The following PLEKHA5 variants were observed in gnomAD, a reference collection of about 807,000 sequenced individuals.
PLEKHA5 encodes pleckstrin homology domain containing A5, also known as pleckstrin homology domain-containing family A member 5.
Under a neutral mutation model 181.9 loss-of-function variants are expected in PLEKHA5, and 55 were observed. That is an observed-to-expected ratio of 0.30 (90% CI 0.24 to 0.38). The LOEUF (loss-of-function observed/expected upper bound fraction) is 0.38. Among genes scored for constraint, PLEKHA5 ranks in the 10% least tolerant of loss-of-function variants. The pLI, the probability that PLEKHA5 is intolerant of heterozygous loss-of-function variation, is 1.00. For synonymous variants in PLEKHA5, 535 were observed against 529.4 expected (o/e 1.01, Z -0.15); for missense variants, 1,432 against 1,549.5 (o/e 0.92, Z 1.27).
rs760633131 is a variant in PLEKHA5, at chr12:19,336,483, C to T, written c.2449-32C>T. 2.9e-5 allele frequency: 32 copies of T among 1,101,898 alleles called. No homozygotes were observed. In the African/African-American group the frequency reaches 4.2e-4, roughly 14 times the overall value. 68.3% of individuals were successfully genotyped at this position (1,101,898 alleles called of 1,614,324 possible). ...ATAACACCATAAAAGCACATTTTCC[C>T]CATTAAAGTAATTAACACTTTTTGG... On this transcript the variant is annotated intron_variant, in intron 20 of 31. Transcript: ENST00000429027.
chr12:19,314,937 A>G (rs756876963), intron 16 of PLEKHA5, 43 bp downstream of exon 16: 8 of 969,056 alleles, frequency 8.3e-6, no homozygotes, highest in Middle Eastern at 2.1e-4. Context: ...ATCATCTGCA[A>G]AATCCCTCAG....
chr12:19,296,598 C>T (rs943811044), intron 15 of PLEKHA5, among the ~76,000 whole-genome samples: 1 of 151,766 alleles, frequency 6.6e-6, no homozygotes, highest in South Asian at 2.1e-4. Context: ...CTTAGGAACA[C>T]GTATGCCTTC....
chr12:19,157,660 G>A (rs542752662), intron 3 of PLEKHA5, among the ~76,000 whole-genome samples: 31 of 152,072 alleles, frequency 2.0e-4, no homozygotes, highest in African/African-American at 5.8e-4. Flanking sequence ...CAATCTACCC[G>A]TCAGTTATTG....
chr12:19,137,557 A>G (rs540635364), intron 3 of PLEKHA5, among the ~76,000 whole-genome samples: 2 of 152,322 alleles, frequency 1.3e-5, no homozygotes, highest in Non-Finnish European at 2.9e-5. Flanking sequence ...TAGTGTAGAG[A>G]TAAATATGCA....
chr12:19,216,964 T>C (rs1289351130), intron 3 of PLEKHA5, among the ~76,000 whole-genome samples: 1 of 152,198 alleles, frequency 6.6e-6, no homozygotes, highest in Non-Finnish European at 1.5e-5. Flanking sequence ...AATACTGTAA[T>C]TACTGATGTA....
chr12:19,287,172 T>C (rs2077400716), intron 12 of PLEKHA5, among the ~76,000 whole-genome samples: 1 of 151,952 alleles, frequency 6.6e-6, no homozygotes, highest in Non-Finnish European at 1.5e-5. Context: ...TAATTTTTTA[T>C]ACTTTTAGTA....
chr12:19,342,486 A>G (rs1309998123), intron 21 of PLEKHA5, among the ~76,000 whole-genome samples: 2 of 152,042 alleles, frequency 1.3e-5, no homozygotes, highest in South Asian at 4.2e-4. Context: ...GTGAAACCCC[A>G]TCTCTACTAA....
intron 11 of PLEKHA5, among the ~76,000 whole-genome samples, chr12:19,279,538 C>T (rs2152769201): frequency 6.6e-6 from 1 of 152,034 alleles, no homozygotes; most frequent in Admixed American, 6.6e-5. Flanking sequence ...CAGCAGGCAC[C>T]TGTAATCACA....
At chr12:19,254,658 T>TAA (rs35159886) in intron 4 of PLEKHA5, among the ~76,000 whole-genome samples, 7 of 151,470 alleles carry the variant, frequency 4.6e-5, no homozygotes, top group South Asian at 2.1e-4. Flanking sequence ...CTGACTGTAC[T>TAA]AAAAAAATAG....
At chr12:19,227,996 A>C (rs1473755335) in intron 3 of PLEKHA5, among the ~76,000 whole-genome samples, 1 of 152,188 alleles carries the variant, frequency 6.6e-6, no homozygotes, top group African/African-American at 2.4e-5. Context: ...ACCTCTGGAC[A>C]ATGGGAGCCC....
At chr12:19,211,938 T>A (rs1307233214) in intron 3 of PLEKHA5, among the ~76,000 whole-genome samples, 1 of 152,184 alleles carries the variant, frequency 6.6e-6, no homozygotes, top group Non-Finnish European at 1.5e-5. Flanking sequence ...TCCATTCCTC[T>A]CCCGATTTCT....
intron 3 of PLEKHA5, among the ~76,000 whole-genome samples, chr12:19,209,511 T>G (rs2056464647): frequency 6.6e-6 from 1 of 152,236 alleles, no homozygotes. Context: ...GAGCAAACTT[T>G]CCACTCAGTG....
intron 3 of PLEKHA5, among the ~76,000 whole-genome samples, chr12:19,215,599 A>G (rs1038535478): frequency 6.2e-4 from 94 of 152,288 alleles, no homozygotes; most frequent in Non-Finnish European, 1.9e-4. Context: ...TTCTGAGAAC[A>G]TTTCATAAAA....
At chr12:19,302,905 A>ATTTTTTTTTTTGTTTTTTTTTTTTTT (rs2081959494) in intron 15 of PLEKHA5, among the ~76,000 whole-genome samples, 1 of 106,606 alleles carries the variant, frequency 9.4e-6, no homozygotes, top group African/African-American at 3.8e-5. Context: ...TTCTGTATGA[A>ATTTTTTTTTTTGTTTTTTTTTTTTTT]ATTTTTTTTT....
chr12:19,244,688 T>C (rs1314431516), intron 3 of PLEKHA5, among the ~76,000 whole-genome samples: 1 of 152,238 alleles, frequency 6.6e-6, no homozygotes, highest in Non-Finnish European at 1.5e-5. Context: ...GTGAGTTTAG[T>C]AAGAAACAAC....
chr12:19,166,159 T>C (rs1188408713), intron 3 of PLEKHA5, among the ~76,000 whole-genome samples: 1 of 152,086 alleles, frequency 6.6e-6, no homozygotes. Flanking sequence ...TTCAATAAAC[T>C]GTGTGTGGGC....
chr12:19,318,804 C>T (rs1455001599), intron 16 of PLEKHA5, among the ~76,000 whole-genome samples: 1 of 152,042 alleles, frequency 6.6e-6, no homozygotes, highest in Non-Finnish European at 1.5e-5. Flanking sequence ...ACGTATAATC[C>T]CAGCTACTCT....
At chr12:19,333,465 A>G (rs1484969162) in intron 20 of PLEKHA5, among the ~76,000 whole-genome samples, 1 of 149,996 alleles carries the variant, frequency 6.7e-6, no homozygotes, top group Non-Finnish European at 1.5e-5. Context: ...CTGTAGTCCC[A>G]AGTATCCCAG....
chr12:19,237,820 T>A (rs1051784155), intron 3 of PLEKHA5, among the ~76,000 whole-genome samples: 3 of 152,008 alleles, frequency 2.0e-5, no homozygotes, highest in African/African-American at 7.2e-5. Context: ...AAATTGATTT[T>A]GTTGTTTTAA....
Sources: gnomAD v4.1 joint callset for allele counts (sites outside exome capture counted in the v4.1 genomes callset) on GRCh38, gnomAD v4.1.1 for gene constraint, MANE v1.5 for transcripts, NCBI Gene and HGNC (gene_info 2026-07-23, HGNC 2026-07-21) for gene names.